Variants in CRTAC1 observed in about 807,000 individuals in gnomAD.
CRTAC1 encodes cartilage acidic protein 1.
Under a neutral mutation model 67.8 loss-of-function variants are expected in CRTAC1, and 37 were observed. The observed-to-expected ratio is 0.55, with a 90% CI of 0.42 to 0.72. CRTAC1 has a LOEUF of 0.72. CRTAC1 is among the 30% of genes least tolerant of loss of function. CRTAC1 has a pLI of 0.00. For missense variants in CRTAC1, 780 were observed against 931.6 expected, an observed-to-expected ratio of 0.84 and a Z score of 2.12; for synonymous variants, 348 against 371.0, an observed-to-expected ratio of 0.94 and a Z score of 0.71.
chr10:98,018,521 T>C (rs952835745), intron 1 of CRTAC1, among the ~76,000 whole-genome samples: 2 of 152,188 alleles, frequency 1.3e-5, no homozygotes, highest in African/African-American at 4.8e-5. Flanking sequence ...GGGTTCCATG[T>C]AGCCAAACTC....
Position 97,930,335 on chromosome 10 carries a change from C to T in CRTAC1, c.421+5835G>A, listed in dbSNP as rs1590217008. 3.9e-5 allele frequency among the ~76,000 whole-genome samples: 6 copies of T among 152,270 alleles called. No homozygotes were observed. The South Asian group carries it at 1.2e-3, about 32-fold the overall frequency. ...CATATTCCATATTATGCTGCTTTGG[C>T]CCATGCTGGGAGAGCTGCAAGTCAG... On this transcript the variant is annotated intron_variant, in intron 3 of 14. Transcript: ENST00000370597.
intron 8 of CRTAC1, among the ~76,000 whole-genome samples, chr10:97,897,862 C>T (rs1259983217): frequency 1.3e-5 from 2 of 152,184 alleles, no homozygotes; most frequent in Admixed American, 6.5e-5. Flanking sequence ...GAATTGGCAT[C>T]GCACTTCCTA....
intron 1 of CRTAC1, among the ~76,000 whole-genome samples, chr10:98,023,939 C>T (rs1302154433): frequency 6.6e-6 from 1 of 152,238 alleles, no homozygotes; most frequent in Non-Finnish European, 1.5e-5. Flanking sequence ...TCCCACCAAT[C>T]CTATAAGAGC....
At position 97,917,605 on chromosome 10, in the gene CRTAC1, C is replaced by A; in HGVS notation, c.610G>T (p.Gly204Cys). The A allele has an allele frequency of 6.2e-7, 1 of 1,600,570 alleles. No homozygotes were observed. Residue 204 changes from glycine to cysteine, a missense_variant, in exon 5 of 15, where the codon GGC (glycine) becomes TGC (cysteine). Coordinates refer to ENST00000370597, the MANE Select transcript of CRTAC1 (RefSeq NM_018058.7). ...YIANYAYGNVGPDALIEMDPE... is the reference protein window; with the variant it reads ...YIANYAYGNVCPDALIEMDPE... ...TCCATTTCAATGAGGGCATCAGGGC[C>A]CACATTACCGTAGGCGTAATTGGCA...
chr10:97,953,023 C>A (rs761883068), intron 2 of CRTAC1, among the ~76,000 whole-genome samples: 15 of 152,154 alleles, frequency 9.9e-5, no homozygotes, highest in Admixed American at 2.0e-4. Context: ...TTCTCTTGAG[C>A]CTATGCCTCT....
intron 1 of CRTAC1, among the ~76,000 whole-genome samples, chr10:98,024,010 T>C (rs946202504): frequency 2.0e-5 from 3 of 152,248 alleles, no homozygotes; most frequent in Non-Finnish European, 4.4e-5. Context: ...TCCTAAGAGC[T>C]GTGTTAAAAT....
chr10:97,868,928 GTCAT>G (rs2050059216), intron 14 of CRTAC1: 1 of 152,130 alleles, frequency 6.6e-6, no homozygotes, highest in African/African-American at 2.4e-5. Context: ...TACATAATTA[GTCAT>G]TCAATTCTCA....
intron 2 of CRTAC1, among the ~76,000 whole-genome samples, chr10:97,972,801 A>T (rs942205369): frequency 1.1e-4 from 16 of 152,248 alleles, no homozygotes; most frequent in African/African-American, 3.1e-4. Flanking sequence ...CTGAGTCAAG[A>T]AGCAAGATAC....
chr10:97,895,357 G>A lies in CRTAC1; in HGVS notation c.1374C>T (p.Ala458=). 1 of 1,612,194 alleles carries A rather than the reference G, an allele frequency of 6.2e-7. No homozygotes were observed. Reference sequence around the variant, plus strand: ...TGTAGAGCACGACCTTAGCTCCCCTGGCAAAGGCCCCAAACCGGGTGCGTG... The same window carrying A: ...TGTAGAGCACGACCTTAGCTCCCCTAGCAAAGGCCCCAAACCGGGTGCGTG... ...VVPRTRFGAF[A]RGAKVVLYTK... The change falls in exon 11 of 15, where the codon GCC becomes GCT. Residue 458 remains alanine (A), a synonymous_variant. Transcript: ENST00000370597. This position sits in a 1 kb window ranked among gnomAD's most constrained non-coding sequence, Gnocchi z 4.2.
intron 2 of CRTAC1, among the ~76,000 whole-genome samples, chr10:97,955,915 C>T (rs957205788): frequency 6.6e-6 from 1 of 152,230 alleles, no homozygotes; most frequent in Non-Finnish European, 1.5e-5. Context: ...AGCTGTGGGG[C>T]TTTCTTGATA....
intron 14 of CRTAC1, chr10:97,869,636 A>C (rs1339349911): frequency 6.6e-6 from 1 of 152,300 alleles, no homozygotes; most frequent in African/African-American, 2.4e-5. Context: ...ACTGAGTGGC[A>C]GGATTATGCA....
Position 97,890,090 on chromosome 10 carries a change from T to TAC in CRTAC1, c.1486+5153_1486+5154dup, listed in dbSNP as rs56001448. Among the ~76,000 whole-genome samples the TAC allele has an allele frequency of 6.0e-3, 910 of 150,460 alleles. 12 individuals carry two copies. Among genetic ancestry groups the TAC allele is most frequent in the African/African-American group, 0.02 (833 of 40,946 alleles). ...GACTTGGTATGCTGTCCAGGATGTG[T>TAC]ACACACACACACACACACACACACA... On this transcript the variant is annotated intron_variant, in intron 11 of 14. Coordinates refer to ENST00000370597, the MANE Select transcript of CRTAC1 (RefSeq NM_018058.7).
intron 2 of CRTAC1, among the ~76,000 whole-genome samples, chr10:97,970,354 C>G (rs914253843): frequency 6.6e-6 from 1 of 152,172 alleles, no homozygotes; most frequent in African/African-American, 2.4e-5. Flanking sequence ...TTTTAAAGTG[C>G]AAGTCGCATC....
intron 3 of CRTAC1, among the ~76,000 whole-genome samples, chr10:97,932,169 C>T (rs544107699): frequency 6.6e-6 from 1 of 152,270 alleles, no homozygotes; most frequent in African/African-American, 2.4e-5. Context: ...TCTCTTTGCT[C>T]CCACGGTTTC....
intron 5 of CRTAC1, among the ~76,000 whole-genome samples, chr10:97,916,158 G>T (rs1207581520): frequency 6.7e-6 from 1 of 148,676 alleles, no homozygotes; most frequent in African/African-American, 2.5e-5. Context: ...CATCCCCCCA[G>T]TGCACCCCCC....
At chr10:97,959,146 A>G (rs1049689115) in intron 2 of CRTAC1, among the ~76,000 whole-genome samples, 1 of 152,216 alleles carries the variant, frequency 6.6e-6, no homozygotes, top group Non-Finnish European at 1.5e-5. Flanking sequence ...GATGAGTATC[A>G]CATATTCAGG....
intron 2 of CRTAC1, among the ~76,000 whole-genome samples, chr10:97,983,476 C>T (rs890780639): frequency 6.6e-6 from 1 of 151,774 alleles, no homozygotes; most frequent in African/African-American, 2.4e-5. Flanking sequence ...GTCTTAGAGC[C>T]TGCCAAAAGT....
intron 2 of CRTAC1, among the ~76,000 whole-genome samples, chr10:97,984,510 T>C (rs2051948372): frequency 1.3e-5 from 2 of 152,240 alleles, no homozygotes; most frequent in Non-Finnish European, 1.5e-5. Context: ...AGAAGCTTTT[T>C]GGCATTTGTA....
intron 2 of CRTAC1, among the ~76,000 whole-genome samples, chr10:97,987,808 T>C (rs1344165734): frequency 6.6e-6 from 1 of 152,190 alleles, no homozygotes; most frequent in Non-Finnish European, 1.5e-5. Context: ...GACTATGTCA[T>C]GATTATGTGT....
Sources: gnomAD v4.1 joint callset for allele counts (sites outside exome capture counted in the v4.1 genomes callset) on GRCh38, gnomAD v4.1.1 for gene constraint, Gnocchi (gnomAD v3.1) non-coding constraint, MANE v1.5 for transcripts, NCBI Gene and HGNC (gene_info 2026-07-23, HGNC 2026-07-21) for gene names.